The following KCNIP4 variants were observed in gnomAD, a reference collection of about 807,000 sequenced individuals.
KCNIP4 encodes the protein Kv channel-interacting protein 4.
KCNIP4 carries 12 observed loss-of-function variants against 34.0 expected under a neutral mutation model. That is an observed-to-expected ratio of 0.35 (90% confidence interval 0.23 to 0.57). The LOEUF is 0.57. Ranked by LOEUF, KCNIP4 falls within the 20% of genes least tolerant of loss-of-function variation. The pLI is 0.83. For missense variants in KCNIP4, 238 were observed against 311.7 expected, an observed-to-expected ratio of 0.76 and a Z score of 1.78; for synonymous variants, 124 against 102.2, an observed-to-expected ratio of 1.21 and a Z score of -1.29.
intron 1 of KCNIP4, among the ~76,000 whole-genome samples, chr4:21,205,376 TG>T (rs1756779759): frequency 6.6e-6 from 1 of 152,002 alleles, no homozygotes; most frequent in African/African-American, 2.4e-5. Flanking sequence ...CTTCAGGAGG[TG>T]TCTGGTCTAG....
chr4:21,716,151 T>G (rs1444112896), intron 1 of KCNIP4, among the ~76,000 whole-genome samples: 1 of 151,810 alleles, frequency 6.6e-6, no homozygotes, highest in Non-Finnish European at 1.5e-5. Flanking sequence ...TCAGCTTTGA[T>G]GGTCAGACAG....
At chr4:21,669,608 C>A (rs1453151138) in intron 1 of KCNIP4, among the ~76,000 whole-genome samples, 1 of 149,934 alleles carries the variant, frequency 6.7e-6, no homozygotes, top group Non-Finnish European at 1.5e-5. Context: ...ACTCCTAAAC[C>A]CACATTGTTT....
At position 20,858,982 on chromosome 4, in the gene KCNIP4, A is replaced by G. The variant is rs540525643; in HGVS notation, c.164-8315T>C. Among the ~76,000 whole-genome samples, 132 of 152,330 alleles carry G rather than the reference A, an allele frequency of 8.7e-4. 2 individuals carry two copies. The South Asian group carries it at 0.027, about 31-fold the overall frequency. On this transcript the variant is annotated intron_variant, in intron 2 of 8. Coordinates refer to ENST00000382152, the MANE Select transcript of KCNIP4 (RefSeq NM_025221.6). ...AGACCATGAGCTTAGTCAATATGCT[A>G]CTTTAAGAGATGGCAACAATTAAAT...
At chr4:20,825,735 G>C (rs1717679142) in intron 3 of KCNIP4, among the ~76,000 whole-genome samples, 2 of 152,222 alleles carry the variant, frequency 1.3e-5, no homozygotes, top group South Asian at 4.1e-4. Context: ...CATGAACATG[G>C]GTGTGCTCTT....
intron 1 of KCNIP4, among the ~76,000 whole-genome samples, chr4:21,781,002 C>G (rs904867516): frequency 1.3e-5 from 2 of 152,078 alleles, no homozygotes; most frequent in Non-Finnish European, 2.9e-5. Context: ...ACACCAGTTA[C>G]TTGAGGTTAA....
At chr4:21,224,622 T>A (rs551421245) in intron 1 of KCNIP4, among the ~76,000 whole-genome samples, 21 of 135,936 alleles carry the variant, frequency 1.5e-4, no homozygotes, top group Admixed American at 4.6e-4. Flanking sequence ...AGTCTTGCTC[T>A]GTCACCCAGG....
chr4:21,851,317 G>A (rs1287123125), intron 1 of KCNIP4: 1 of 152,100 alleles, frequency 6.6e-6, no homozygotes, highest in African/African-American at 2.4e-5. Context: ...ATTCATAAGG[G>A]GGAGCTAAAT....
chr4:21,461,170 T>C (rs1729431679), intron 1 of KCNIP4, among the ~76,000 whole-genome samples: 1 of 151,942 alleles, frequency 6.6e-6, no homozygotes, highest in African/African-American at 2.4e-5. Context: ...TGTCCTGAGT[T>C]CTCATGAGAT....
At chr4:21,777,258 C>A (rs1371072588) in intron 1 of KCNIP4, among the ~76,000 whole-genome samples, 2 of 152,190 alleles carry the variant, frequency 1.3e-5, no homozygotes, top group African/African-American at 4.8e-5. Flanking sequence ...TACCCAGTCT[C>A]AGGCAGTTCT....
intron 1 of KCNIP4, among the ~76,000 whole-genome samples, chr4:21,270,826 A>C (rs2109133481): frequency 6.6e-6 from 1 of 152,122 alleles, no homozygotes; most frequent in Non-Finnish European, 1.5e-5. Context: ...GTCTCTACTA[A>C]AAATTCAAAA....
At chr4:21,637,531 C>T (rs116947748) in intron 1 of KCNIP4, among the ~76,000 whole-genome samples, 1,855 of 151,966 alleles carry the variant, frequency 0.012, 69 homozygotes, top group East Asian at 0.077. Flanking sequence ...GCATGTAATC[C>T]CAGCACTTTG....
chr4:21,465,038 G>C (rs1178054642), intron 1 of KCNIP4, among the ~76,000 whole-genome samples: 2 of 152,052 alleles, frequency 1.3e-5, no homozygotes, highest in Non-Finnish European at 2.9e-5. Flanking sequence ...ATTGTTGGGG[G>C]ATTACTGGCA....
chr4:21,574,011 G>T (rs1203235852), intron 1 of KCNIP4, among the ~76,000 whole-genome samples: 1 of 151,820 alleles, frequency 6.6e-6, no homozygotes, highest in Non-Finnish European at 1.5e-5. Flanking sequence ...GCTTGGAAGA[G>T]AATTTGGGAG....
intron 1 of KCNIP4, among the ~76,000 whole-genome samples, chr4:21,547,471 T>C (rs923198550): frequency 2.0e-5 from 3 of 152,096 alleles, no homozygotes; most frequent in Non-Finnish European, 4.4e-5. Context: ...ATATTTTCAT[T>C]AAAAGAGGCT....
chr4:20,826,353 T>C (rs748240516), intron 3 of KCNIP4, among the ~76,000 whole-genome samples: 1 of 152,080 alleles, frequency 6.6e-6, no homozygotes, highest in South Asian at 2.1e-4. Flanking sequence ...GGTGCAAGGA[T>C]TGCTTGAGCC....
At chr4:21,834,857 GT>G (rs1723223260) in intron 1 of KCNIP4, among the ~76,000 whole-genome samples, 1 of 152,102 alleles carries the variant, frequency 6.6e-6, no homozygotes, top group African/African-American at 2.4e-5. Flanking sequence ...TAATCATGTG[GT>G]TTTTGTCTTT....
intron 1 of KCNIP4, among the ~76,000 whole-genome samples, chr4:21,626,564 C>A (rs1233434366): frequency 1.3e-5 from 2 of 151,890 alleles, no homozygotes; most frequent in Non-Finnish European, 1.5e-5. Flanking sequence ...TTAAGCTACT[C>A]AGGCCATGGT....
intron 1 of KCNIP4, among the ~76,000 whole-genome samples, chr4:21,708,747 G>A (rs935425607): frequency 6.6e-6 from 1 of 152,150 alleles, no homozygotes; most frequent in Non-Finnish European, 1.5e-5. Flanking sequence ...AAACAATGAG[G>A]TTGCTCATTT....
chr4:21,521,381 A>G (rs1735510991), intron 1 of KCNIP4, among the ~76,000 whole-genome samples: 1 of 152,138 alleles, frequency 6.6e-6, no homozygotes, highest in Non-Finnish European at 1.5e-5. Flanking sequence ...TCATGACATA[A>G]ACTTCATGAA....
Sources: allele counts gnomAD v4.1 joint callset (sites outside exome capture counted in the v4.1 genomes callset), GRCh38; gene constraint gnomAD v4.1.1; transcripts MANE v1.5; gene names NCBI Gene and HGNC (gene_info 2026-07-23, HGNC 2026-07-21).